Variants in TMEM132D observed in about 807,000 individuals in gnomAD.
The protein encoded by TMEM132D is mature OL transmembrane protein.
In TMEM132D, 21 loss-of-function variants were observed where a neutral mutation model predicts 62.3. That is an observed-to-expected ratio of 0.34 (90% CI 0.24 to 0.49). TMEM132D has a LOEUF of 0.49. Among genes scored for constraint, TMEM132D ranks in the 20% least tolerant of loss-of-function variants. TMEM132D has a pLI of 0.99. For missense variants in TMEM132D, 1,346 were observed against 1,402.8 expected, an observed-to-expected ratio of 0.96 and a Z score of 0.65; for synonymous variants, 621 against 575.6, an observed-to-expected ratio of 1.08 and a Z score of -1.13.
chr12:129,840,639 C>T (rs1460981837), intron 1 of TMEM132D: 1 of 152,214 alleles, frequency 6.6e-6, no homozygotes. Flanking sequence ...CGCAGCCTGC[C>T]CTCAGGCCTT....
intron 3 of TMEM132D, among the ~76,000 whole-genome samples, chr12:129,462,306 G>C (rs1251323957): frequency 1.3e-5 from 2 of 152,184 alleles, no homozygotes; most frequent in African/African-American, 4.8e-5. Context: ...GGGAAACACA[G>C]AGACAGGCAG....
intron 2 of TMEM132D, among the ~76,000 whole-genome samples, chr12:129,607,195 T>C (rs1265746925): frequency 2.6e-5 from 4 of 152,146 alleles, no homozygotes; most frequent in African/African-American, 9.7e-5. Context: ...CAGTTTATTA[T>C]AGCGAAATGA....
intron 2 of TMEM132D, among the ~76,000 whole-genome samples, chr12:129,566,831 C>A (rs747818740): frequency 3.9e-5 from 6 of 152,182 alleles, no homozygotes; most frequent in Non-Finnish European, 8.8e-5. Context: ...ATTTCCACAA[C>A]CCCTTATCTT....
chr12:129,744,322 C>T (rs1002430264), intron 1 of TMEM132D, among the ~76,000 whole-genome samples: 3 of 152,090 alleles, frequency 2.0e-5, no homozygotes, highest in Admixed American at 2.0e-4. Flanking sequence ...CAACTCTGTA[C>T]CAAAGGTATT....
chr12:129,172,973 C>A (rs567986785), intron 5 of TMEM132D, among the ~76,000 whole-genome samples: 2 of 152,256 alleles, frequency 1.3e-5, no homozygotes, highest in East Asian at 3.9e-4. Flanking sequence ...TCAGAAGACA[C>A]ACAACATTTA....
chr12:129,247,182 C>A (rs1157948772), intron 4 of TMEM132D, among the ~76,000 whole-genome samples: 2 of 152,166 alleles, frequency 1.3e-5, no homozygotes, highest in Non-Finnish European at 2.9e-5. Context: ...GGGAAGTACA[C>A]AAATTGCTGT....
intron 3 of TMEM132D, among the ~76,000 whole-genome samples, chr12:129,524,094 GT>G (rs1566097701): frequency 3.3e-5 from 5 of 151,870 alleles, no homozygotes; most frequent in African/African-American, 1.2e-4. Context: ...GGTGGGGGGA[GT>G]GGGGAGGGAT....
In TMEM132D at chr12:129,768,596, C is replaced by T. The variant is rs561384271; in HGVS notation, c.80-67898G>A. The stretch of plus-strand genomic sequence containing the variant: ...CTCTTCCTCTTTCTTCTGCCTGGAA[C>T]GGGGCTGAGTTATACATCATCAGTT... On this transcript the variant is annotated intron_variant, in intron 1 of 8. Transcript: ENST00000422113. 4.5e-4 allele frequency among the ~76,000 whole-genome samples: 69 copies of T among 152,142 alleles called. 1 individual carries two copies. The highest frequency in any genetic ancestry group is 6.2e-4 in the South Asian group (3 of 4,816).
At chr12:129,335,220 C>A (rs1192618331) in intron 4 of TMEM132D, among the ~76,000 whole-genome samples, 2 of 151,184 alleles carry the variant, frequency 1.3e-5, no homozygotes, top group Non-Finnish European at 2.9e-5. Flanking sequence ...CAAGCTCCGC[C>A]TCCCAAGTTC....
rs1275938105 is a variant in TMEM132D at position 129,564,064 on chromosome 12, T to TATAACTAACTA, written c.969-32860_969-32859insTAGTTAGTTAT. Among the ~76,000 whole-genome samples, 241 of 152,246 alleles carry TATAACTAACTA rather than the reference T, an allele frequency of 1.6e-3. 1 individual carries two copies. Among genetic ancestry groups the TATAACTAACTA allele is most frequent in the Non-Finnish European group, 2.6e-3 (179 of 68,010 alleles). On this transcript the variant is annotated intron_variant, in intron 2 of 8. Coordinates refer to ENST00000422113, the MANE Select transcript of TMEM132D (RefSeq NM_133448.3). ...CAGGTATAACTAAGACGTTTCAGGG[T>TATAACTAACTA]ATTTTCATTAATTAGTCCCAAAGTA...
chr12:129,616,727 G>A (rs1331632616), intron 2 of TMEM132D, among the ~76,000 whole-genome samples: 1 of 152,168 alleles, frequency 6.6e-6, no homozygotes, highest in Non-Finnish European at 1.5e-5. Context: ...AGTTTCCTGA[G>A]GCCTCCCCAG....
intron 1 of TMEM132D, among the ~76,000 whole-genome samples, chr12:129,813,938 A>G (rs934427753): frequency 7.9e-5 from 12 of 152,222 alleles, no homozygotes; most frequent in African/African-American, 2.9e-4. Flanking sequence ...CCATTTTAAT[A>G]TTCAATAAAA....
At chr12:129,883,094 C>A (rs1874650265) in intron 1 of TMEM132D, among the ~76,000 whole-genome samples, 1 of 152,062 alleles carries the variant, frequency 6.6e-6, no homozygotes, top group African/African-American at 2.4e-5. Flanking sequence ...GACTGAAAAG[C>A]AAGAAACACA....
Position 129,174,145 on chromosome 12 carries a change from A to G in TMEM132D, c.1443+35375T>C, listed in dbSNP as rs186447096. Among the ~76,000 whole-genome samples the G allele has an allele frequency of 5.6e-4, 86 of 152,248 alleles. 1 individual carries two copies. Among genetic ancestry groups the G allele is most frequent in the South Asian group, 2.5e-3 (12 of 4,810 alleles). On this transcript the variant is annotated intron_variant, in intron 5 of 8. Coordinates refer to ENST00000422113, the MANE Select transcript of TMEM132D (RefSeq NM_133448.3). ...CTTAAGTTGCAGGATACATGTGCAGAACATGCAGGTTTGTTACATAGGTAT... is the reference window on the plus strand; with the variant it reads ...CTTAAGTTGCAGGATACATGTGCAGGACATGCAGGTTTGTTACATAGGTAT...
rs181659787 is a variant in TMEM132D, at chr12:129,199,386, A to C, written c.1443+10134T>G. Among the ~76,000 whole-genome samples the C allele has an allele frequency of 4.0e-3, 609 of 152,224 alleles. 9 individuals are homozygous for C. The highest frequency in any genetic ancestry group is 0.013 in the African/African-American group (560 of 41,542). ...CAAATTGTTGGGATTACAGGTGTGAACCACCACGCTCAGCTAACTCTAATT... is the reference window on the plus strand; with the variant it reads ...CAAATTGTTGGGATTACAGGTGTGACCCACCACGCTCAGCTAACTCTAATT... On this transcript the variant is annotated intron_variant, in intron 5 of 8. Coordinates refer to ENST00000422113, the MANE Select transcript of TMEM132D (RefSeq NM_133448.3).
chr12:129,577,146 A>T (rs1877686247), intron 2 of TMEM132D, among the ~76,000 whole-genome samples: 2 of 151,952 alleles, frequency 1.3e-5, no homozygotes, highest in Middle Eastern at 3.4e-3. Flanking sequence ...ATACTTGAGA[A>T]CCACTAGAGA....
chr12:129,334,959 C>T (rs182045344), intron 4 of TMEM132D, among the ~76,000 whole-genome samples: 62 of 152,252 alleles, frequency 4.1e-4, no homozygotes, highest in Admixed American at 2.8e-3. Flanking sequence ...CTGCCTACCA[C>T]TCTTCTTATG....
chr12:129,837,359 CAG>C lies in TMEM132D; in HGVS notation c.79+65900_79+65901del, dbSNP rs1459330956. On this transcript the variant is annotated intron_variant, in intron 1 of 8. Coordinates refer to ENST00000422113, the MANE Select transcript of TMEM132D (RefSeq NM_133448.3). Reference sequence around the variant, plus strand: ...CAGGTCCACGGTGCTATTTACAAGGCAGAGAGTCCTGTACTGAAGATCTTAGT... The same window carrying C: ...CAGGTCCACGGTGCTATTTACAAGGCAGAGTCCTGTACTGAAGATCTTAGT... 2.1e-4 allele frequency among the ~76,000 whole-genome samples: 32 copies of C among 152,290 alleles called. No individual in the cohort carries two copies. In the South Asian group the frequency reaches 6.2e-3, roughly 30 times the overall value.
intron 1 of TMEM132D, among the ~76,000 whole-genome samples, chr12:129,754,099 G>C (rs150239229): frequency 6.6e-6 from 1 of 152,244 alleles, no homozygotes; most frequent in African/African-American, 2.4e-5. Flanking sequence ...TTAATTCTCT[G>C]GTTTGAAGAA....
Sources: allele counts gnomAD v4.1 joint callset (sites outside exome capture counted in the v4.1 genomes callset), GRCh38; gene constraint gnomAD v4.1.1; transcripts MANE v1.5; gene names NCBI Gene and HGNC (gene_info 2026-07-23, HGNC 2026-07-21).